The following NRG1 variants were observed in gnomAD, a reference collection of about 807,000 sequenced individuals.
The protein encoded by NRG1 is pro-neuregulin-1, membrane-bound isoform.
A neutral mutation model predicts 63.8 loss-of-function variants in NRG1; 18 were observed. The observed-to-expected ratio is 0.28, with a 90% CI of 0.19 to 0.42. The LOEUF is 0.42. NRG1 is among the 10% of genes least tolerant of loss of function. The pLI is 1.00. For synonymous variants in NRG1, 302 were observed against 301.3 expected, an observed-to-expected ratio of 1.00 and a Z score of -0.02; for missense variants, 762 against 814.7, an observed-to-expected ratio of 0.94 and a Z score of 0.79.
At chr8:32,725,464 A>ATTTTTTTTTTTTTTTTTTTTTTT (rs71209904) in intron 5 of NRG1, among the ~76,000 whole-genome samples, 1 of 67,582 alleles carries the variant, frequency 1.5e-5, no homozygotes, top group Non-Finnish European at 2.6e-5. Context: ...AAACTTCCTA[A>ATTTTTTTTTTTTTTTTTTTTTTT]TTTTTTTTTT....
Position 31,865,006 on chromosome 8 carries a change from G to A in NRG1, c.37+225575G>A, listed in dbSNP as rs189483912. On this transcript the variant is annotated intron_variant, in intron 1 of 10. Transcript: ENST00000519301. The stretch of plus-strand genomic sequence containing the variant: ...AGGCCTTTATTTACCTATACTTCTA[G>A]CATGCTTTGCTTTAGATTTTCCCAT... 7.9e-5 allele frequency among the ~76,000 whole-genome samples: 12 copies of A among 152,244 alleles called. No homozygotes were observed. In the East Asian group the frequency reaches 2.3e-3, roughly 29 times the overall value.
At chr8:32,282,453 C>T (rs1173672776) in intron 1 of NRG1, among the ~76,000 whole-genome samples, 2 of 152,240 alleles carry the variant, frequency 1.3e-5, no homozygotes, top group East Asian at 1.9e-4. Flanking sequence ...GTTCAGCATG[C>T]TCTCTGTCCA....
At chr8:32,627,005 G>A (rs1010818596) in intron 5 of NRG1, among the ~76,000 whole-genome samples, 4 of 151,696 alleles carry the variant, frequency 2.6e-5, no homozygotes, top group Admixed American at 6.6e-5. Flanking sequence ...GGGTGACAGA[G>A]CAACACTCTA....
chr8:32,234,689 G>A (rs1221103285), intron 1 of NRG1, among the ~76,000 whole-genome samples: 1 of 152,002 alleles, frequency 6.6e-6, no homozygotes, highest in Non-Finnish European at 1.5e-5. Flanking sequence ...GTAAATTCTG[G>A]GCCTCCTCAA....
intron 1 of NRG1, among the ~76,000 whole-genome samples, chr8:32,202,295 C>T (rs1843573989): frequency 6.6e-6 from 1 of 152,058 alleles, no homozygotes; most frequent in South Asian, 2.1e-4. Context: ...GGGAGAGTTC[C>T]CTGACTCCCT....
intron 1 of NRG1, among the ~76,000 whole-genome samples, chr8:32,570,470 A>C (rs1332387167): frequency 2.0e-5 from 3 of 152,168 alleles, no homozygotes; most frequent in Non-Finnish European, 4.4e-5. Context: ...CTTATATATA[A>C]AAACTTCAGA....
chr8:32,753,674 A>G (rs1829152130), intron 7 of NRG1, among the ~76,000 whole-genome samples: 1 of 152,208 alleles, frequency 6.6e-6, no homozygotes, highest in African/African-American at 2.4e-5. Flanking sequence ...TTTCTTTGAT[A>G]CAGTGCCCTG....
At chr8:32,058,673 A>G (rs1163292038) in intron 1 of NRG1, among the ~76,000 whole-genome samples, 1 of 151,988 alleles carries the variant, frequency 6.6e-6, no homozygotes, top group Non-Finnish European at 1.5e-5. Flanking sequence ...AATTGGCAAG[A>G]TGGGGATTTT....
intron 1 of NRG1, among the ~76,000 whole-genome samples, chr8:31,920,541 C>G (rs1833812992): frequency 1.3e-5 from 2 of 152,030 alleles, no homozygotes; most frequent in South Asian, 4.2e-4. Context: ...CTGAACAACT[C>G]CAAATGGTTC....
At chr8:31,788,254 C>T (rs1237251710) in intron 1 of NRG1, among the ~76,000 whole-genome samples, 2 of 152,074 alleles carry the variant, frequency 1.3e-5, no homozygotes, top group Non-Finnish European at 2.9e-5. Flanking sequence ...TTTTGAGGTA[C>T]ACATATTTAG....
Position 31,924,066 on chromosome 8 carries a change from T to G in NRG1, c.37+284635T>G, listed in dbSNP as rs1001520862. Among the ~76,000 whole-genome samples, 6 of 152,274 alleles carry G rather than the reference T, an allele frequency of 3.9e-5. No individual in the cohort carries two copies. The East Asian group carries it at 1.2e-3, about 29-fold the overall frequency. On this transcript the variant is annotated intron_variant, in intron 1 of 10. Coordinates refer to the NRG1 transcript ENST00000519301. ...AGTTGGTGTTTTTCAAAAAATTTCC[T>G]TATTTGGGTTGGGCACAGTGGCTCA...
chr8:32,753,322 A>AT (rs1829073216), intron 7 of NRG1, among the ~76,000 whole-genome samples: 1 of 152,208 alleles, frequency 6.6e-6, no homozygotes, highest in Non-Finnish European at 1.5e-5. Flanking sequence ...CTTGTTAAGA[A>AT]CCTGACCTAC....
At chr8:31,654,602 G>A (rs1432197209) in intron 1 of NRG1, among the ~76,000 whole-genome samples, 3 of 152,152 alleles carry the variant, frequency 2.0e-5, no homozygotes. Flanking sequence ...GTCAATAAGG[G>A]ATATATCTCT....
Position 32,457,975 on chromosome 8 carries a change from T to G in NRG1, c.38-137853T>G, listed in dbSNP as rs1250900176. Among the ~76,000 whole-genome samples, 3 of 151,926 alleles carry G rather than the reference T, an allele frequency of 2.0e-5. No homozygotes were observed. In the East Asian group the frequency reaches 5.8e-4, roughly 29 times the overall value. On this transcript the variant is annotated intron_variant, in intron 1 of 10. Coordinates refer to the NRG1 transcript ENST00000519301. Reference sequence around the variant, plus strand: ...ACTCTGTCACCAGGCTGGAGTGCAATGGTGCGATCTCGGCTCCCTGCAAAC... The same window carrying G: ...ACTCTGTCACCAGGCTGGAGTGCAAGGGTGCGATCTCGGCTCCCTGCAAAC...
intron 1 of NRG1, among the ~76,000 whole-genome samples, chr8:32,253,005 T>C (rs1849290768): frequency 6.6e-6 from 1 of 152,180 alleles, no homozygotes; most frequent in Non-Finnish European, 1.5e-5. Flanking sequence ...TTTTCTATTA[T>C]TGATGTATAG....
chr8:32,445,557 C>A (rs933648034), intron 1 of NRG1, among the ~76,000 whole-genome samples: 1 of 152,104 alleles, frequency 6.6e-6, no homozygotes, highest in Non-Finnish European at 1.5e-5. Context: ...AGTTCAAGGC[C>A]TAAATATTAG....
intron 1 of NRG1, among the ~76,000 whole-genome samples, chr8:32,166,315 C>T (rs914299867): frequency 6.6e-6 from 1 of 152,026 alleles, no homozygotes; most frequent in Non-Finnish European, 1.5e-5. Context: ...GAAATAGAAT[C>T]CTGGGTTAGA....
At chr8:31,952,712 T>C (rs566996109) in intron 1 of NRG1, among the ~76,000 whole-genome samples, 3 of 152,246 alleles carry the variant, frequency 2.0e-5, no homozygotes, top group Non-Finnish European at 4.4e-5. Flanking sequence ...AATGAACAGG[T>C]GGCTGGTACA....
chr8:32,114,783 C>G (rs752701681), intron 1 of NRG1, among the ~76,000 whole-genome samples: 2 of 152,176 alleles, frequency 1.3e-5, no homozygotes, highest in Non-Finnish European at 2.9e-5. Context: ...CTGAAGATAG[C>G]CCTTGCAAGC....
Sources: allele counts gnomAD v4.1 joint callset (sites outside exome capture counted in the v4.1 genomes callset), GRCh38; gene constraint gnomAD v4.1.1; transcripts MANE v1.5; gene names NCBI Gene and HGNC (gene_info 2026-07-23, HGNC 2026-07-21).